ELAPOR2: variants seen among roughly 807,000 people sequenced by gnomAD.
ELAPOR2 encodes endosome/lysosome-associated apoptosis and autophagy regulator family member 2.
ELAPOR2 carries 89 observed loss-of-function variants against 120.7 expected under a neutral mutation model. The observed-to-expected ratio is 0.74, with a 90% confidence interval of 0.62 to 0.88. The LOEUF (loss-of-function observed/expected upper bound fraction) is 0.88, where lower values mean the gene tolerates loss of function less well. Ranked by LOEUF, ELAPOR2 falls within the 40% of genes least tolerant of loss-of-function variation. The probability of loss-of-function intolerance (pLI) is 0.00; values close to 1 mark genes in which losing one functional copy is unlikely to be tolerated. For missense variants in ELAPOR2, 1,134 were observed against 1,251.6 expected (o/e 0.91, Z 1.42); for synonymous variants, 444 against 444.9 (o/e 1.00, Z 0.03).
At chr7:86,956,108 A>G (rs1562942236) in intron 2 of ELAPOR2, among the ~76,000 whole-genome samples, 1 of 152,206 alleles carries the variant, frequency 6.6e-6, no homozygotes, top group Non-Finnish European at 1.5e-5. Flanking sequence ...CAAAGCTGCT[A>G]TGTCAGCTCT....
chr7:87,051,799 C>T (rs1438341406), intron 1 of ELAPOR2, among the ~76,000 whole-genome samples: 1 of 152,226 alleles, frequency 6.6e-6, no homozygotes, highest in Admixed American at 6.5e-5. Flanking sequence ...ACCATACTCT[C>T]TTAATATTAC....
chr7:86,972,607 T>G (rs1009427145), intron 1 of ELAPOR2, among the ~76,000 whole-genome samples: 6 of 151,702 alleles, frequency 4.0e-5, no homozygotes, highest in Non-Finnish European at 7.4e-5. Flanking sequence ...TTTTTTGTTT[T>G]TTTTTTTTTA....
At chr7:86,986,764 A>G (rs1039592538) in intron 1 of ELAPOR2, among the ~76,000 whole-genome samples, 2 of 151,898 alleles carry the variant, frequency 1.3e-5, no homozygotes, top group African/African-American at 4.8e-5. Context: ...GAAAATGGCC[A>G]TACTGCCCAA....
chr7:87,055,771 T>A (rs1014607751), intron 1 of ELAPOR2, among the ~76,000 whole-genome samples: 18 of 152,210 alleles, frequency 1.2e-4, no homozygotes, highest in Admixed American at 2.6e-4. Context: ...CTTATCCAAT[T>A]AAATTATATT....
rs1213219122 is a variant in ELAPOR2, at chr7:86,939,893, A to G, written c.847+117T>C. Reference sequence around the variant, plus strand: ...GGTCTCCAGACCTATATGATTCCCTAACATATTAATTTCTGTTCTATAAAT... The same window carrying G: ...GGTCTCCAGACCTATATGATTCCCTGACATATTAATTTCTGTTCTATAAAT... On this transcript the variant is annotated intron_variant, in intron 6 of 21. Coordinates refer to ENST00000450689, the MANE Select transcript of ELAPOR2 (RefSeq NM_001142749.3). 7.4e-6 allele frequency: 4 copies of G among 538,096 alleles called. No individual in the cohort carries two copies. The East Asian group carries it at 1.3e-4, about 17-fold the overall frequency. 33.3% of individuals were successfully genotyped at this position (538,096 alleles called of 1,614,324 possible).
rs1336459598 is a variant in ELAPOR2 at position 86,888,706 on chromosome 7, G to C, written c.3030+3018C>G. Among the ~76,000 whole-genome samples, 3 of 152,088 alleles carry C rather than the reference G, an allele frequency of 2.0e-5. 1 individual carries two copies. The highest frequency in any genetic ancestry group is 2.0e-4 in the Admixed American group (3 of 15,248). On this transcript the variant is annotated intron_variant, in intron 21 of 21. Transcript: ENST00000450689. The stretch of plus-strand genomic sequence containing the variant: ...ACAAAAGTCACTAGTTTGCAGTGTG[G>C]ACAAACAGGGAGAGTTGAGCTGACT...
At chr7:86,989,786 AT>A (rs911780642) in intron 1 of ELAPOR2, among the ~76,000 whole-genome samples, 2 of 151,728 alleles carry the variant, frequency 1.3e-5, no homozygotes, top group Non-Finnish European at 1.5e-5. Flanking sequence ...AAAGATACAA[AT>A]TTTTTTATTT....
chr7:86,883,061 TGA>T (rs1554374428), intron 21 of ELAPOR2, among the ~76,000 whole-genome samples: 11 of 149,052 alleles, frequency 7.4e-5, no homozygotes, highest in African/African-American at 2.8e-4. Flanking sequence ...TGTGTGTGTG[TGA>T]AAGACATGTG....
intron 1 of ELAPOR2, among the ~76,000 whole-genome samples, chr7:87,033,484 G>A (rs113931272): frequency 4.6e-5 from 7 of 152,240 alleles, no homozygotes; most frequent in African/African-American, 1.7e-4. Flanking sequence ...AAATGTCATG[G>A]AAAATAGTAA....
chr7:86,908,526 T>C lies in ELAPOR2; in HGVS notation c.2377A>G (p.Thr793Ala), dbSNP rs1317295679. Residue 793 changes from threonine (T) to alanine (A), a missense_variant, in exon 17 of 22, where the codon ACA becomes GCA. Thr to Ala is a moderately conservative substitution (Grantham distance 58). Transcript: ENST00000450689. ...TCTTTTATATTAATATTTTTCAATG[T>C]GGTTTCAACTGTGACTCCTAGATGA... ...DTFIGVTVET[T>A]LKNINIKEDM... 3 of 1,549,992 alleles carry C rather than the reference T, an allele frequency of 1.9e-6. No individual in the cohort carries two copies. The East Asian group carries it at 6.9e-5, about 36-fold the overall frequency.
chr7:86,939,046 TGA>T (rs1307779104), intron 6 of ELAPOR2, 86 bp from the exon 7 acceptor site: 6 of 1,462,686 alleles, frequency 4.1e-6, no homozygotes, highest in Non-Finnish European at 5.6e-6. Context: ...TACCCAGAAG[TGA>T]GGGAGATATA....
At chr7:87,013,362 C>T (rs965475729) in intron 1 of ELAPOR2, among the ~76,000 whole-genome samples, 1 of 152,136 alleles carries the variant, frequency 6.6e-6, no homozygotes, top group African/African-American at 2.4e-5. Flanking sequence ...ACAATGTATT[C>T]AAGTCCCTCA....
At chr7:86,946,784 C>A (rs995258590) in intron 3 of ELAPOR2, among the ~76,000 whole-genome samples, 3 of 152,126 alleles carry the variant, frequency 2.0e-5, no homozygotes, top group Non-Finnish European at 4.4e-5. Flanking sequence ...CTATTCCAGG[C>A]AGAAAAAGAA....
intron 10 of ELAPOR2, 145 bp from the exon 11 acceptor site, chr7:86,919,455 C>T: frequency 1.9e-6 from 1 of 521,062 alleles, no homozygotes; most frequent in Non-Finnish European, 3.3e-6. Context: ...TATTTTTAAT[C>T]ACAGTCGCAA....
At chr7:86,991,238 G>A (rs1251269378) in intron 1 of ELAPOR2, among the ~76,000 whole-genome samples, 1 of 152,180 alleles carries the variant, frequency 6.6e-6, no homozygotes, top group African/African-American at 2.4e-5. Flanking sequence ...CATATCAGGT[G>A]ATTGATGTAT....
intron 1 of ELAPOR2, among the ~76,000 whole-genome samples, chr7:87,000,721 C>T (rs1793289614): frequency 6.6e-6 from 1 of 152,138 alleles, no homozygotes; most frequent in South Asian, 2.1e-4. Context: ...TCAGTGTTTT[C>T]AATCACAAAA....
At position 87,002,378 on chromosome 7, in the gene ELAPOR2, G is replaced by A. The variant is rs560101411; in HGVS notation, c.190-37354C>T. 4.1e-3 allele frequency among the ~76,000 whole-genome samples: 619 copies of A among 152,268 alleles called. 2 individuals are homozygous for A. The highest frequency in any genetic ancestry group is 6.3e-3 in the Non-Finnish European group (430 of 68,016). On this transcript the variant is annotated intron_variant, in intron 1 of 21. Transcript: ENST00000450689. ...AGATAGGGCACAGTTGGCTTCTGCA[G>A]CAGCAGTCTCCTTCTGGTGGCCATT...
chr7:86,914,699 TAAAA>T lies in ELAPOR2; in HGVS notation c.1731+20_1731+23del. The T allele has an allele frequency of 6.3e-7, 1 of 1,584,796 alleles. No individual in the cohort carries two copies. Among genetic ancestry groups the T allele is most frequent in the South Asian group, 1.2e-5 (1 of 85,442 alleles). On this transcript the variant is annotated intron_variant, in intron 13 of 21. Coordinates refer to ENST00000450689, the MANE Select transcript of ELAPOR2 (RefSeq NM_001142749.3). Reference sequence around the variant, plus strand: ...GGCATCATTAGTGTGTTTAAAATTTTAAAAAAAAGTGCTTGGAACTTACATCTTG... The same window carrying T: ...GGCATCATTAGTGTGTTTAAAATTTTAAAAGTGCTTGGAACTTACATCTTG...
chr7:86,915,335 T>C (rs1584344948), intron 12 of ELAPOR2, among the ~76,000 whole-genome samples: 1 of 152,062 alleles, frequency 6.6e-6, no homozygotes, highest in Admixed American at 6.6e-5. Context: ...TGAATTATAC[T>C]TGCAAGTTCC....
Sources: allele counts gnomAD v4.1 joint callset (sites outside exome capture counted in the v4.1 genomes callset), GRCh38; gene constraint gnomAD v4.1.1; transcripts MANE v1.5; gene names NCBI Gene and HGNC (gene_info 2026-07-23, HGNC 2026-07-21).